Variants in THEM4 observed in about 807,000 individuals in gnomAD.
THEM4 encodes the protein thioesterase superfamily member 4, also known as acyl-coenzyme A thioesterase THEM4.
In THEM4, 22 loss-of-function variants were observed where a neutral mutation model predicts 25.0. That is an observed-to-expected ratio of 0.88 (90% confidence interval 0.63 to 1.26). The LOEUF (loss-of-function observed/expected upper bound fraction) is 1.26. Ranked by LOEUF, THEM4 falls within the 50% of genes most tolerant of loss-of-function variation. The probability of loss-of-function intolerance (pLI) is 0.00; values close to 1 mark genes in which losing one functional copy is unlikely to be tolerated. For synonymous variants in THEM4, 113 were observed against 105.6 expected (o/e 1.07, Z -0.43); for missense variants, 286 against 300.3 (o/e 0.95, Z 0.35).
At chr1:151,883,557 G>T (rs1653892081) in intron 4 of THEM4, among the ~76,000 whole-genome samples, 1 of 152,020 alleles carries the variant, frequency 6.6e-6, no homozygotes, top group Non-Finnish European at 1.5e-5. Flanking sequence ...ATGAGATTTG[G>T]GTGGCGACAC....
At chr1:151,906,585 A>C (rs973692730) in intron 1 of THEM4, among the ~76,000 whole-genome samples, 1 of 152,240 alleles carries the variant, frequency 6.6e-6, no homozygotes, top group African/African-American at 2.4e-5. Context: ...CACTGGGTGA[A>C]GCCAGCTGGG....
At chr1:151,890,284 A>C (rs1359505806) in intron 2 of THEM4, 2 of 428,262 alleles carry the variant, frequency 4.7e-6, no homozygotes, top group Non-Finnish European at 9.5e-6. Context: ...GCACTTGTTT[A>C]GACACAGTTT....
rs1653584929 is a variant in THEM4, at chr1:151,872,868, G to A, written c.*2020C>T. 6.6e-6 allele frequency among the ~76,000 whole-genome samples: 1 copy of A among 152,148 alleles called. No homozygotes were observed. The highest frequency in any genetic ancestry group is 1.5e-5 in the Non-Finnish European group (1 of 68,022). ...AGGTTTCCCCCCACTGAGACAGCCTGAGATATGGCCTCCCGGGAAGGGAAA... is the reference window on the plus strand; with the variant it reads ...AGGTTTCCCCCCACTGAGACAGCCTAAGATATGGCCTCCCGGGAAGGGAAA... On this transcript the variant is annotated 3_prime_UTR_variant, in exon 6 of 6. Transcript: ENST00000368814.
chr1:151,893,355 C>CA (rs1654135412), intron 2 of THEM4, among the ~76,000 whole-genome samples: 1 of 126,234 alleles, frequency 7.9e-6, no homozygotes, highest in Admixed American at 9.8e-5. Flanking sequence ...CTGAGTGACT[C>CA]AGTGAGACTC....
chr1:151,888,439 C>A, intron 3 of THEM4, 56 bp from the exon 4 acceptor site: 1 of 1,363,356 alleles, frequency 7.3e-7, no homozygotes, highest in Non-Finnish European at 1.0e-6. Context: ...AGATAGAGAG[C>A]CTCTTGAAAG....
chr1:151,894,141 G>A (rs2101726009), intron 2 of THEM4, among the ~76,000 whole-genome samples: 1 of 152,264 alleles, frequency 6.6e-6, no homozygotes, highest in East Asian at 1.9e-4. Flanking sequence ...GGGATTATAG[G>A]CATGAGCCAC....
At chr1:151,907,735 T>C (rs578110554) in intron 1 of THEM4, among the ~76,000 whole-genome samples, 1 of 152,292 alleles carries the variant, frequency 6.6e-6, no homozygotes. Context: ...TCCTCTTCTT[T>C]TTGGGGGGAC....
chr1:151,870,922 A>C lies in THEM4; in HGVS notation c.*3966T>G, dbSNP rs1177852174. Among the ~76,000 whole-genome samples, 1 of 152,236 alleles carries C rather than the reference A, an allele frequency of 6.6e-6. No individual in the cohort carries two copies. The highest frequency in any genetic ancestry group is 2.4e-5 in the African/African-American group (1 of 41,462). ...TTAGACATTTAGAAACCTGGGAGTA[A>C]GAGCAAAAACTCACGGCCTAATTAT... On this transcript the variant is annotated 3_prime_UTR_variant, in exon 6 of 6. Coordinates refer to ENST00000368814, the MANE Select transcript of THEM4 (RefSeq NM_053055.5).
intron 4 of THEM4, among the ~76,000 whole-genome samples, chr1:151,883,075 G>A (rs1276454242): frequency 6.9e-6 from 1 of 144,532 alleles, no homozygotes; most frequent in Non-Finnish European, 1.5e-5. Context: ...GAGAGTGCAA[G>A]GGGGGATCTG....
intron 1 of THEM4, among the ~76,000 whole-genome samples, chr1:151,895,408 C>A (rs934575308): frequency 1.3e-5 from 2 of 152,164 alleles, no homozygotes; most frequent in Non-Finnish European, 2.9e-5. Flanking sequence ...CATCACCCAG[C>A]GAGCTATTGA....
At chr1:151,909,310 G>A (rs1335183418) in intron 1 of THEM4, 50 bp downstream of exon 1, 5 of 1,426,376 alleles carry the variant, frequency 3.5e-6, no homozygotes, top group South Asian at 2.5e-5. Context: ...TACCGCAGGC[G>A]TGTTTCTGAG....
At chr1:151,889,684 G>T (rs1457528571) in intron 2 of THEM4, 1 of 213,184 alleles carries the variant, frequency 4.7e-6, no homozygotes, top group African/African-American at 2.3e-5. Flanking sequence ...GTACGGTAAA[G>T]ACGGAAATCC....
chr1:151,887,618 T>TTGTG (rs369505174), intron 4 of THEM4, among the ~76,000 whole-genome samples: 1 of 150,872 alleles, frequency 6.6e-6, no homozygotes, highest in Admixed American at 6.6e-5. Context: ...ACTCGGTGTT[T>TTGTG]TGTGTGTGTG....
At position 151,876,871 on chromosome 1, in the gene THEM4, CA is replaced by C. The variant is rs1653691808; in HGVS notation, c.682+129del. 23 of 1,142,696 alleles carry C rather than the reference CA, an allele frequency of 2.0e-5. 1 individual carries two copies. Among genetic ancestry groups the C allele is most frequent in the South Asian group, 7.2e-5 (4 of 55,616 alleles). The allele number at this position is 1,142,696 out of a possible 1,614,324, so 70.8% of individuals were successfully genotyped here. On this transcript the variant is annotated intron_variant, in intron 5 of 5. Transcript: ENST00000368814. The stretch of plus-strand genomic sequence containing the variant: ...GCATGTATGGGTTATAATACCAGGG[CA>C]AAAAACCAAACCAAACCAAAACACC...
intron 3 of THEM4, among the ~76,000 whole-genome samples, chr1:151,888,672 T>C (rs917099280): frequency 1.3e-5 from 2 of 152,100 alleles, no homozygotes; most frequent in Non-Finnish European, 2.9e-5. Flanking sequence ...ATATTATGTT[T>C]TTATTATTAG....
chr1:151,893,855 TTC>T (rs1654151136), intron 2 of THEM4, among the ~76,000 whole-genome samples: 1 of 151,730 alleles, frequency 6.6e-6, no homozygotes. Flanking sequence ...AGCCTTCTTT[TTC>T]TCTTTTTTTT....
chr1:151,895,295 C>A, intron 1 of THEM4, 101 bp from the exon 2 acceptor site: 1 of 1,046,980 alleles, frequency 9.6e-7, no homozygotes, highest in Admixed American at 2.8e-5. Context: ...TTTTCTTCTC[C>A]CCATAAGCTT....
At chr1:151,885,245 A>G (rs1219358657) in intron 4 of THEM4, among the ~76,000 whole-genome samples, 1 of 151,936 alleles carries the variant, frequency 6.6e-6, no homozygotes, top group Non-Finnish European at 1.5e-5. Context: ...CAGCCCCCCA[A>G]ATAGCTGGGA....
chr1:151,880,842 G>C (rs1356748137), intron 4 of THEM4, among the ~76,000 whole-genome samples: 1 of 151,970 alleles, frequency 6.6e-6, no homozygotes, highest in Non-Finnish European at 1.5e-5. Context: ...TGAACTGATG[G>C]TTTGGTCTAT....
Sources: gnomAD v4.1 joint callset for allele counts (sites outside exome capture counted in the v4.1 genomes callset) on GRCh38, gnomAD v4.1.1 for gene constraint, MANE v1.5 for transcripts, NCBI Gene and HGNC (gene_info 2026-07-23, HGNC 2026-07-21) for gene names.